Variants in CDC14C observed in about 807,000 individuals in gnomAD.
CDC14C encodes dual specificity protein phosphatase CDC14C.
In CDC14C, 19 loss-of-function variants were observed where a neutral mutation model predicts 26.9. That is an observed-to-expected ratio of 0.71 (90% CI 0.49 to 1.04). The LOEUF (loss-of-function observed/expected upper bound fraction) is 1.04. Ranked by LOEUF, CDC14C falls within the 50% of genes least tolerant of loss-of-function variation. The pLI is 0.00. For synonymous variants in CDC14C, 185 were observed against 180.1 expected, an observed-to-expected ratio of 1.03 and a Z score of -0.22; for missense variants, 423 against 520.0, an observed-to-expected ratio of 0.81 and a Z score of 1.81.
rs929806603 is a variant in CDC14C at position 48,926,821 on chromosome 7, C to T, written c.*805C>T. ...GGGCTTGCTCCCAAAAAGAATGACT[C>T]AAAGAAAGGCCCAGCTCTCAAGCTG... On this transcript the variant is annotated 3_prime_UTR_variant, in exon 1 of 1. Transcript: ENST00000650262. 1.3e-5 allele frequency among the ~76,000 whole-genome samples: 2 copies of T among 151,848 alleles called. No homozygotes were observed. The highest frequency in any genetic ancestry group is 2.4e-5 in the African/African-American group (1 of 41,252).
rs929806603 is a variant in CDC14C, at chr7:48,926,821, C to A, written c.*805C>A. Among the ~76,000 whole-genome samples, 1 of 151,848 alleles carries A rather than the reference C, an allele frequency of 6.6e-6. No individual in the cohort carries two copies. The highest frequency in any genetic ancestry group is 1.5e-5 in the Non-Finnish European group (1 of 67,998). ...GGGCTTGCTCCCAAAAAGAATGACT[C>A]AAAGAAAGGCCCAGCTCTCAAGCTG... On this transcript the variant is annotated 3_prime_UTR_variant, in exon 1 of 1. Coordinates refer to ENST00000650262, the MANE Select transcript of CDC14C (RefSeq NM_152627.3).
At position 48,924,640 on chromosome 7, in the gene CDC14C, C is replaced by T. The variant is rs1468387545; in HGVS notation, c.-33C>T. 2 of 1,057,098 alleles carry T rather than the reference C, an allele frequency of 1.9e-6. No homozygotes were observed. Among genetic ancestry groups the T allele is most frequent in the Non-Finnish European group, 1.5e-6 (1 of 679,194 alleles). 65.5% of individuals were successfully genotyped at this position (1,057,098 alleles called of 1,614,324 possible). On this transcript the variant is annotated 5_prime_UTR_variant, in exon 1 of 1. Coordinates refer to ENST00000650262, the MANE Select transcript of CDC14C (RefSeq NM_152627.3). ...GGCCGCCGCGCCCCACTGCTCGCCG[C>T]GCTGCTCTTTGACCTCGCAGGGTGT...
rs953786762 is a variant in CDC14C at position 48,924,661 on chromosome 7, G to A, written c.-12G>A. On this transcript the variant is annotated 5_prime_UTR_variant, in exon 1 of 1. Transcript: ENST00000650262. The stretch of plus-strand genomic sequence containing the variant: ...GCCGCGCTGCTCTTTGACCTCGCAG[G>A]GTGTGAAGAAGATGCGCAGCTCCAC... The A allele has an allele frequency of 2.7e-6, 3 of 1,099,918 alleles. No individual in the cohort carries two copies. Among genetic ancestry groups the A allele is most frequent in the African/African-American group, 3.1e-5 (2 of 64,548 alleles). 68.1% of individuals were successfully genotyped at this position (1,099,918 alleles called of 1,614,324 possible).
In CDC14C at chr7:48,924,570, C is replaced by T. The variant is rs13312510; in HGVS notation, c.-103C>T. 33 of 736,334 alleles carry T rather than the reference C, an allele frequency of 4.5e-5. No individual in the cohort carries two copies. The highest frequency in any genetic ancestry group is 1.8e-4 in the South Asian group (10 of 56,222). The allele number at this position is 736,334 out of a possible 1,614,324, so 45.6% of individuals were successfully genotyped here. Reference sequence around the variant, plus strand: ...CCGTGGTCGTTGCTCCCTGACTGGCCGCGGCGGCCTCCAGGAAGCGGAAAA... The same window carrying T: ...CCGTGGTCGTTGCTCCCTGACTGGCTGCGGCGGCCTCCAGGAAGCGGAAAA... On this transcript the variant is annotated 5_prime_UTR_variant, in exon 1 of 1. Transcript: ENST00000650262.
chr7:48,924,897 T>C lies in CDC14C; in HGVS notation c.225T>C (p.Asn75=). Residue 75 remains asparagine (N), a synonymous_variant, in exon 1 of 1, where the codon AAT becomes AAC. Transcript: ENST00000650262. ...AMVYRYCCKI[N]KKLKSITMLR... is the part of the protein sequence containing the mutation. ...TTTACAGATATTGTTGCAAGATAAA[T>C]AAGAAATTAAAGTCCATTACAATGT... The C allele has an allele frequency of 3.5e-6, 5 of 1,442,420 alleles. No homozygotes were observed. The highest frequency in any genetic ancestry group is 4.9e-6 in the Non-Finnish European group (5 of 1,023,040). 89.4% of individuals were successfully genotyped at this position (1,442,420 alleles called of 1,614,324 possible).
Position 48,926,749 on chromosome 7 carries a change from T to C in CDC14C, c.*733T>C, listed in dbSNP as rs1798898517. On this transcript the variant is annotated 3_prime_UTR_variant, in exon 1 of 1. Transcript: ENST00000650262. ...TGAACATGTTACAGTGCTGCAGAGA[T>C]TTTATTTATGGCCAGTTTTGGGGCC... 1.3e-5 allele frequency among the ~76,000 whole-genome samples: 2 copies of C among 151,500 alleles called. No homozygotes were observed. Among genetic ancestry groups the C allele is most frequent in the Non-Finnish European group, 2.9e-5 (2 of 67,944 alleles).
chr7:48,926,142 A>T lies in CDC14C; in HGVS notation c.*126A>T, dbSNP rs889701319. 9 of 623,142 alleles carry T rather than the reference A, an allele frequency of 1.4e-5. No homozygotes were observed. The African/African-American group carries it at 1.7e-4, about 12-fold the overall frequency. 38.6% of individuals were successfully genotyped at this position (623,142 alleles called of 1,614,324 possible). A position where few individuals can be genotyped will look rare whatever the true frequency, so the allele number is the denominator to read the frequency against. ...GTGACCAGAACTGAAGGAAGACTCT[A>T]GGAACTGAAAACTGCAACAGAAATT... is the stretch of plus-strand genomic sequence containing the variant. On this transcript the variant is annotated 3_prime_UTR_variant, in exon 1 of 1. Transcript: ENST00000650262.
In CDC14C at chr7:48,926,478, C is replaced by T. The variant is rs970176041; in HGVS notation, c.*462C>T. 1.3e-5 allele frequency among the ~76,000 whole-genome samples: 2 copies of T among 152,018 alleles called. No homozygotes were observed. Among genetic ancestry groups the T allele is most frequent in the African/African-American group, 4.8e-5 (2 of 41,388 alleles). On this transcript the variant is annotated 3_prime_UTR_variant, in exon 1 of 1. Transcript: ENST00000650262. ...AGCAAACAAGTCATTAGCATTGTTT[C>T]TATAGATATTAAATTAACTAAAAGT...
Position 48,925,102 on chromosome 7 carries a change from A to C in CDC14C, c.430A>C (p.Asn144His). 1 of 1,539,438 alleles carries C rather than the reference A, an allele frequency of 6.5e-7. No individual in the cohort carries two copies. Among genetic ancestry groups the C allele is most frequent in the East Asian group, 2.2e-5 (1 of 44,454 alleles). ...CAGAGATGCTGCCTATGGAAGCTGC[A>C]ATTTCTACATTACACTTCTTGACTG... Reference protein sequence around the residue: ...PFRDAAYGSCNFYITLLDCFH... With the variant: ...PFRDAAYGSCHFYITLLDCFH... The change falls in exon 1 of 1, where the codon AAT (asparagine) becomes CAT (histidine). Residue 144 changes from asparagine (N) to histidine (H), a missense_variant. Around this residue, in one of 3 missense-constraint regions of CDC14C, gnomAD observed 310 missense variants for 356.8 expected, o/e 0.87. Coordinates refer to ENST00000650262, the MANE Select transcript of CDC14C (RefSeq NM_152627.3).
rs1798897352 is a variant in CDC14C at position 48,926,695 on chromosome 7, C to A, written c.*679C>A. Among the ~76,000 whole-genome samples the A allele has an allele frequency of 1.3e-5, 2 of 151,960 alleles. No individual in the cohort carries two copies. The highest frequency in any genetic ancestry group is 4.2e-4 in the South Asian group (2 of 4,812). On this transcript the variant is annotated 3_prime_UTR_variant, in exon 1 of 1. Coordinates refer to ENST00000650262, the MANE Select transcript of CDC14C (RefSeq NM_152627.3). ...TTGCCCTCATTCCGGTAAACCCACACCCTTCCAGCGTGGGCATTAGGGCCA... is the reference window on the plus strand; with the variant it reads ...TTGCCCTCATTCCGGTAAACCCACAACCTTCCAGCGTGGGCATTAGGGCCA...
chr7:48,925,930 C>T lies in CDC14C; in HGVS notation c.1258C>T (p.Pro420Ser). The T allele has an allele frequency of 1.3e-6, 1 of 768,804 alleles. No homozygotes were observed. Among genetic ancestry groups the T allele is most frequent in the Non-Finnish European group, 2.4e-6 (1 of 413,716 alleles). 47.6% of individuals were successfully genotyped at this position (768,804 alleles called of 1,614,324 possible). A position where few individuals can be genotyped will look rare whatever the true frequency, so the allele number is the denominator to read the frequency against. ...AACAAACGATATTCTTCTCCCATCT[C>T]CCCTGGCTGTGCTGACCTTTACACT... ...SKTNDILLPS[P>S]LAVLTFTLCS... Residue 420 changes from proline (P) to serine (S), a missense_variant, in exon 1 of 1, where the codon CCC (proline) becomes TCC (serine). Around this residue, in one of 3 missense-constraint regions of CDC14C, gnomAD observed 91 missense variants for 94.2 expected, o/e 0.97. Coordinates refer to ENST00000650262, the MANE Select transcript of CDC14C (RefSeq NM_152627.3).
chr7:48,926,112 A>C lies in CDC14C; in HGVS notation c.*96A>C. On this transcript the variant is annotated 3_prime_UTR_variant, in exon 1 of 1. Transcript: ENST00000650262. ...CTAAAATGGTTTTGCATTAAGTAAA[A>C]ACCTGTGACCAGAACTGAAGGAAGA... 1 of 703,044 alleles carries C rather than the reference A, an allele frequency of 1.4e-6. No individual in the cohort carries two copies. Among genetic ancestry groups the C allele is most frequent in the Non-Finnish European group, 2.7e-6 (1 of 376,130 alleles). The allele number at this position is 703,044 out of a possible 1,614,324, so 43.6% of individuals were successfully genotyped here.
Position 48,925,731 on chromosome 7 carries a change from T to C in CDC14C, c.1059T>C (p.Asn353=). 1 of 1,104,554 alleles carries C rather than the reference T, an allele frequency of 9.1e-7. No homozygotes were observed. The highest frequency in any genetic ancestry group is 1.7e-5 in the Admixed American group (1 of 59,396). 68.4% of individuals were successfully genotyped at this position (1,104,554 alleles called of 1,614,324 possible). A position where few individuals can be genotyped will look rare whatever the true frequency, so the allele number is the denominator to read the frequency against. ...GTCAGAGGTTAAAGGGGCAGGAGAA[T>C]GGACAACACAGAGCAGCCTTCTCCA... ...YFRQRLKGQE[N]GQHRAAFSKL... Residue 353 remains asparagine (N), a synonymous_variant, in exon 1 of 1, where the codon AAT becomes AAC. Coordinates refer to ENST00000650262, the MANE Select transcript of CDC14C (RefSeq NM_152627.3).
Position 48,925,800 on chromosome 7 carries a change from G to A in CDC14C, c.1128G>A (p.Glu376=). The change falls in exon 1 of 1, where the codon GAG becomes GAA. Residue 376 remains glutamate (E), a synonymous_variant. Coordinates refer to ENST00000650262, the MANE Select transcript of CDC14C (RefSeq NM_152627.3). ...GVDDISINGV[E]NQDQQEPKPY... Reference sequence around the variant, plus strand: ...ATGACATTTCCATAAATGGGGTCGAGAATCAAGACCAGCAAGAACCCAAAC... The same window carrying A: ...ATGACATTTCCATAAATGGGGTCGAAAATCAAGACCAGCAAGAACCCAAAC... The A allele has an allele frequency of 1.1e-6, 1 of 885,004 alleles. No homozygotes were observed. Among genetic ancestry groups the A allele is most frequent in the South Asian group, 1.3e-5 (1 of 76,384 alleles). The allele number at this position is 885,004 out of a possible 1,614,324, so 54.8% of individuals were successfully genotyped here.
chr7:48,924,565 C>A lies in CDC14C; in HGVS notation c.-108C>A. 1 of 714,494 alleles carries A rather than the reference C, an allele frequency of 1.4e-6. No individual in the cohort carries two copies. The highest frequency in any genetic ancestry group is 2.3e-6 in the Non-Finnish European group (1 of 439,570). 44.3% of individuals were successfully genotyped at this position (714,494 alleles called of 1,614,324 possible). On this transcript the variant is annotated 5_prime_UTR_variant, in exon 1 of 1. The change creates a new upstream start codon in the 5' untranslated region. Coordinates refer to ENST00000650262, the MANE Select transcript of CDC14C (RefSeq NM_152627.3). The stretch of plus-strand genomic sequence containing the variant: ...CGGGGCCGTGGTCGTTGCTCCCTGA[C>A]TGGCCGCGGCGGCCTCCAGGAAGCG...
In CDC14C at chr7:48,924,606, G is replaced by T; in HGVS notation, c.-67G>T. ...CCAGGAAGCGGAAAAGCAAGGGGCG[G>T]TCGAGCTGGGCCGCCGCGCCCCACT... On this transcript the variant is annotated 5_prime_UTR_variant, in exon 1 of 1. Coordinates refer to ENST00000650262, the MANE Select transcript of CDC14C (RefSeq NM_152627.3). 1 of 881,874 alleles carries T rather than the reference G, an allele frequency of 1.1e-6. No individual in the cohort carries two copies. Among genetic ancestry groups the T allele is most frequent in the Non-Finnish European group, 1.7e-6 (1 of 574,304 alleles). The allele number at this position is 881,874 out of a possible 1,614,324, so 54.6% of individuals were successfully genotyped here.
rs368557412 is a variant in CDC14C at position 48,926,594 on chromosome 7, G to C, written c.*578G>C. 1.6e-3 allele frequency among the ~76,000 whole-genome samples: 239 copies of C among 151,608 alleles called. 2 individuals are homozygous for C. In the East Asian group the frequency reaches 0.024, roughly 15 times the overall value. ...AGGAGCACGTCCTTAAGGCACAGAT[G>C]GCTCATGCTATTGTTTGTGGCTTAA... On this transcript the variant is annotated 3_prime_UTR_variant, in exon 1 of 1. Transcript: ENST00000650262.
At position 48,924,622 on chromosome 7, in the gene CDC14C, G is replaced by A. The variant is rs771016274; in HGVS notation, c.-51G>A. The stretch of plus-strand genomic sequence containing the variant: ...CAAGGGGCGGTCGAGCTGGGCCGCC[G>A]CGCCCCACTGCTCGCCGCGCTGCTC... On this transcript the variant is annotated 5_prime_UTR_variant, in exon 1 of 1. Transcript: ENST00000650262. The A allele has an allele frequency of 1.4e-4, 140 of 987,148 alleles. 2 individuals carry two copies. Among genetic ancestry groups the A allele is most frequent in the Non-Finnish European group, 1.9e-4 (120 of 631,568 alleles). The allele number at this position is 987,148 out of a possible 1,614,324, so 61.1% of individuals were successfully genotyped here.
rs183896040 is a variant in CDC14C, at chr7:48,924,730, G to C, written c.58G>C (p.Val20Leu). The part of the protein sequence containing the change: ...RRRDPQDDVY[V>L]DITDRLRFAI... The stretch of plus-strand genomic sequence containing the variant: ...CCGGGACCCCCAGGACGACGTGTAC[G>C]TGGACATCACCGATCGCCTTCGTTT... The change falls in exon 1 of 1, where the codon GTG (valine) becomes CTG (leucine). Residue 20 changes from valine (V) to leucine (L), a missense_variant. By Grantham distance (32) the Val-to-Leu change is conservative. This residue lies in a region of CDC14C where 310 missense variants were observed against 356.8 expected (regional missense o/e 0.87). Transcript: ENST00000650262. 29,944 of 1,363,332 alleles carry C rather than the reference G, an allele frequency of 0.022. 469 individuals carry two copies. The highest frequency in any genetic ancestry group is 0.023 in the Non-Finnish European group (21,551 of 953,004). The allele number at this position is 1,363,332 out of a possible 1,614,324, so 84.5% of individuals were successfully genotyped here. A position where few individuals can be genotyped will look rare whatever the true frequency, so the allele number is the denominator to read the frequency against.
Sources: gnomAD v4.1 joint callset for allele counts (sites outside exome capture counted in the v4.1 genomes callset) on GRCh38, gnomAD v4.1.1 for gene constraint, gnomAD v4.1.1 regional missense constraint, MANE v1.5 for transcripts, NCBI Gene and HGNC (gene_info 2026-07-23, HGNC 2026-07-21) for gene names.